Variants in GALNT7 observed in about 807,000 individuals in gnomAD.
GALNT7 encodes polypeptide N-acetylgalactosaminyltransferase 7.
A neutral mutation model predicts 82.1 loss-of-function variants in GALNT7; 60 were observed. The observed-to-expected ratio is 0.73, with a 90% CI of 0.59 to 0.91. The LOEUF (loss-of-function observed/expected upper bound fraction) is 0.91, where lower values mean the gene tolerates loss of function less well. Ranked by LOEUF, GALNT7 falls within the 40% of genes least tolerant of loss-of-function variation. The probability of loss-of-function intolerance (pLI) is 0.00; values close to 1 mark genes in which losing one functional copy is unlikely to be tolerated. For missense variants in GALNT7, 660 were observed against 804.2 expected, an observed-to-expected ratio of 0.82 and a Z score of 2.17; for synonymous variants, 243 against 275.1, an observed-to-expected ratio of 0.88 and a Z score of 1.15.
intron 1 of GALNT7, among the ~76,000 whole-genome samples, chr4:173,214,762 T>A (rs1733387056): frequency 6.6e-6 from 1 of 151,632 alleles, no homozygotes; most frequent in Non-Finnish European, 1.5e-5. Flanking sequence ...TAGTAACCTG[T>A]CTTCCTTGTC....
intron 8 of GALNT7, among the ~76,000 whole-genome samples, chr4:173,305,209 A>C (rs761589756): frequency 2.6e-5 from 4 of 152,190 alleles, no homozygotes; most frequent in Non-Finnish European, 5.9e-5. Context: ...GCATTTCTTC[A>C]TATAACTGTT....
chr4:173,208,470 G>C (rs753662941), intron 1 of GALNT7, among the ~76,000 whole-genome samples: 1 of 151,962 alleles, frequency 6.6e-6, no homozygotes, highest in African/African-American at 2.4e-5. Flanking sequence ...ATCATTCAGC[G>C]GCATCTCTTG....
chr4:173,236,241 G>A (rs1579940453), intron 1 of GALNT7, among the ~76,000 whole-genome samples: 1 of 152,240 alleles, frequency 6.6e-6, no homozygotes, highest in African/African-American at 2.4e-5. Context: ...CTATCAGAGA[G>A]CTGGCGAGCG....
intron 1 of GALNT7, among the ~76,000 whole-genome samples, chr4:173,223,172 T>C (rs1282262872): frequency 6.6e-6 from 1 of 152,166 alleles, no homozygotes; most frequent in Non-Finnish European, 1.5e-5. Context: ...ATTATAACCA[T>C]TGATACACAC....
chr4:173,320,851 G>A lies in GALNT7; in HGVS notation c.1837-729G>A, dbSNP rs191041149. On this transcript the variant is annotated intron_variant, in intron 11 of 11. Transcript: ENST00000265000. The surrounding 1 kb of genome is among the most constrained non-coding windows in gnomAD (Gnocchi z 4.1). ...ACGAATGTTTTGCTCCTTCATCAGT[G>A]ACATCCTTAAGTGAAACCGGCATTT... is the stretch of plus-strand genomic sequence containing the variant. Among the ~76,000 whole-genome samples the A allele has an allele frequency of 1.7e-4, 26 of 152,190 alleles. No individual in the cohort carries two copies. Among genetic ancestry groups the A allele is most frequent in the East Asian group, 5.8e-4 (3 of 5,178 alleles).
intron 2 of GALNT7, among the ~76,000 whole-genome samples, chr4:173,250,643 T>C (rs1215544220): frequency 6.6e-6 from 1 of 152,208 alleles, no homozygotes; most frequent in African/African-American, 2.4e-5. Context: ...CTGTCTTTTT[T>C]TTCAGACAGA....
intron 1 of GALNT7, among the ~76,000 whole-genome samples, chr4:173,221,626 A>G (rs1232160607): frequency 6.6e-6 from 1 of 152,228 alleles, no homozygotes; most frequent in Admixed American, 6.5e-5. Flanking sequence ...ACATTCCTTA[A>G]TTAACTTAGC....
At chr4:173,307,502 T>C (rs1212353144) in intron 8 of GALNT7, among the ~76,000 whole-genome samples, 1 of 152,088 alleles carries the variant, frequency 6.6e-6, no homozygotes, top group African/African-American at 2.4e-5. Context: ...GCTTGGGACA[T>C]AGGTACCTCT....
rs574172368 is a variant in GALNT7, at chr4:173,260,374, G to C, written c.587+11934G>C. ...CAGGCTGTTTTAAGGCAGTATTTTA[G>C]TTTATGGTTTACATGTAGGTGGTGA... On this transcript the variant is annotated intron_variant, in intron 2 of 11. Transcript: ENST00000265000. 7.2e-5 allele frequency among the ~76,000 whole-genome samples: 11 copies of C among 152,300 alleles called. No homozygotes were observed. In the South Asian group the frequency reaches 2.3e-3, roughly 32 times the overall value.
intron 1 of GALNT7, among the ~76,000 whole-genome samples, chr4:173,177,114 C>T (rs1023898627): frequency 1.3e-5 from 2 of 152,084 alleles, no homozygotes; most frequent in Non-Finnish European, 2.9e-5. Flanking sequence ...CTTTAGGCTT[C>T]GGAGTCACCT....
At chr4:173,319,019 C>T (rs1737708444) in intron 11 of GALNT7, among the ~76,000 whole-genome samples, 1 of 152,048 alleles carries the variant, frequency 6.6e-6, no homozygotes, top group South Asian at 2.1e-4. Flanking sequence ...TCTAGGCTTT[C>T]ATAACGTCTT....
intron 1 of GALNT7, among the ~76,000 whole-genome samples, chr4:173,230,114 CTG>C (rs1420718989): frequency 6.6e-6 from 1 of 152,154 alleles, no homozygotes; most frequent in Non-Finnish European, 1.5e-5. Flanking sequence ...CAAAATAAAA[CTG>C]AGATATTCAG....
intron 1 of GALNT7, among the ~76,000 whole-genome samples, chr4:173,175,230 C>A (rs1208692818): frequency 2.0e-5 from 3 of 152,184 alleles, no homozygotes; most frequent in Admixed American, 6.5e-5. Flanking sequence ...TTAAAGATTT[C>A]AGTAATAACA....
chr4:173,282,468 A>G (rs779379599), intron 2 of GALNT7: 10 of 151,636 alleles, frequency 6.6e-5, no homozygotes, highest in Non-Finnish European at 1.3e-4. Context: ...CCGCTTCTAC[A>G]CTGTAAGTTT....
intron 1 of GALNT7, among the ~76,000 whole-genome samples, chr4:173,179,420 A>G (rs541564476): frequency 6.6e-6 from 1 of 152,214 alleles, no homozygotes; most frequent in Non-Finnish European, 1.5e-5. Flanking sequence ...AGCCTGGAGG[A>G]TTGCTTGAGG....
At position 173,295,814 on chromosome 4, in the gene GALNT7, A is replaced by G; in HGVS notation, c.936A>G (p.Ala312=). 1 of 1,607,856 alleles carries G rather than the reference A, an allele frequency of 6.2e-7. No homozygotes were observed. The highest frequency in any genetic ancestry group is 8.5e-7 in the Non-Finnish European group (1 of 1,174,322). Residue 312 remains alanine (A), a synonymous_variant, in exon 5 of 12, where the codon GCA becomes GCG. Transcript: ENST00000265000. ...AHCEVAVNWY[A]PLVAPISKDR... ...GTGAGGTGGCAGTTAACTGGTATGC[A>G]CCACTTGTAGCTCCCATATCTAAGG...
chr4:173,293,725 G>A (rs1467790420), intron 3 of GALNT7, among the ~76,000 whole-genome samples: 1 of 152,170 alleles, frequency 6.6e-6, no homozygotes, highest in Non-Finnish European at 1.5e-5. Flanking sequence ...ACTCTCAGTG[G>A]CTCGCACAAC....
intron 3 of GALNT7, among the ~76,000 whole-genome samples, 198 bp from the exon 4 acceptor site, chr4:173,295,198 C>A (rs993900083): frequency 6.6e-6 from 1 of 152,178 alleles, no homozygotes; most frequent in African/African-American, 2.4e-5. Flanking sequence ...CTCAGACTAA[C>A]CAGTTCTCTG....
chr4:173,299,229 G>A (rs1036054694), intron 6 of GALNT7, among the ~76,000 whole-genome samples: 5 of 152,108 alleles, frequency 3.3e-5, no homozygotes, highest in Non-Finnish European at 7.3e-5. Flanking sequence ...ATACTGAATG[G>A]CAAACATAAA....
Sources: allele counts gnomAD v4.1 joint callset (sites outside exome capture counted in the v4.1 genomes callset), GRCh38; gene constraint gnomAD v4.1.1; non-coding constraint Gnocchi (gnomAD v3.1); transcripts MANE v1.5; gene names NCBI Gene and HGNC (gene_info 2026-07-23, HGNC 2026-07-21).